CLSTN2: variants seen among roughly 807,000 people sequenced by gnomAD.
CLSTN2 encodes the protein calsyntenin-2.
A neutral mutation model predicts 101.2 loss-of-function variants in CLSTN2; 48 were observed. The observed-to-expected ratio is 0.47, with a 90% confidence interval of 0.38 to 0.60. The LOEUF (loss-of-function observed/expected upper bound fraction) is 0.60. Ranked by LOEUF, CLSTN2 falls within the 20% of genes least tolerant of loss-of-function variation. The probability of loss-of-function intolerance (pLI) is 0.00; values close to 1 mark genes in which losing one functional copy is unlikely to be tolerated. For missense variants in CLSTN2, 1,160 were observed against 1,238.2 expected, an observed-to-expected ratio of 0.94 and a Z score of 0.95; for synonymous variants, 481 against 463.6, an observed-to-expected ratio of 1.04 and a Z score of -0.48.
At chr3:140,240,327 T>C (rs900944716) in intron 2 of CLSTN2, among the ~76,000 whole-genome samples, 66 of 144,802 alleles carry the variant, frequency 4.6e-4, no homozygotes, top group African/African-American at 1.6e-3. Flanking sequence ...CACATACACA[T>C]ACACATACAT....
intron 4 of CLSTN2, among the ~76,000 whole-genome samples, chr3:140,415,486 C>CAAAAAAAAAAAAAAAAAAAAAAAAA (rs751616049): frequency 1.8e-5 from 1 of 56,868 alleles, no homozygotes; most frequent in African/African-American, 7.7e-5. Flanking sequence ...CACAAAATAG[C>CAAAAAAAAAAAAAAAAAAAAAAAAA]AAAAAAAAAA....
intron 1 of CLSTN2, among the ~76,000 whole-genome samples, chr3:140,109,700 T>C (rs988690492): frequency 6.6e-6 from 1 of 152,116 alleles, no homozygotes; most frequent in African/African-American, 2.4e-5. Context: ...CCAGGGTTGG[T>C]AGAGAGGGCA....
intron 1 of CLSTN2, among the ~76,000 whole-genome samples, chr3:140,003,988 A>G (rs1378892513): frequency 6.6e-6 from 1 of 152,016 alleles, no homozygotes; most frequent in East Asian, 1.9e-4. Flanking sequence ...ATTTTTTTGT[A>G]TGCTCGTCAT....
chr3:140,101,471 C>A (rs2008965260), intron 1 of CLSTN2, among the ~76,000 whole-genome samples: 1 of 152,234 alleles, frequency 6.6e-6, no homozygotes, highest in Admixed American at 6.5e-5. Flanking sequence ...TTGGGCAACT[C>A]TTATATGCCT....
chr3:139,939,185 A>G (rs1021189664), intron 1 of CLSTN2, among the ~76,000 whole-genome samples: 2 of 152,196 alleles, frequency 1.3e-5, no homozygotes, highest in Non-Finnish European at 2.9e-5. Flanking sequence ...TTATAACAAC[A>G]GTATGGTGTA....
At chr3:140,269,740 C>T (rs369724644) in intron 2 of CLSTN2, among the ~76,000 whole-genome samples, 1 of 152,316 alleles carries the variant, frequency 6.6e-6, no homozygotes, top group Admixed American at 6.5e-5. Flanking sequence ...TCCTAAACTG[C>T]ACCTACAGGG....
chr3:139,995,585 G>C (rs1249534323), intron 1 of CLSTN2, among the ~76,000 whole-genome samples: 15 of 152,300 alleles, frequency 9.8e-5, no homozygotes, highest in African/African-American at 3.4e-4. Context: ...CTTACCCACT[G>C]TTCCATACGT....
intron 2 of CLSTN2, among the ~76,000 whole-genome samples, chr3:140,215,678 G>A (rs2010911170): frequency 6.6e-6 from 1 of 152,142 alleles, no homozygotes; most frequent in South Asian, 2.1e-4. Context: ...AGTCAGTAGA[G>A]CATAGCAATA....
At chr3:140,064,302 C>A (rs1327421281) in intron 1 of CLSTN2, among the ~76,000 whole-genome samples, 1 of 152,208 alleles carries the variant, frequency 6.6e-6, no homozygotes, top group Non-Finnish European at 1.5e-5. Flanking sequence ...ATCTCCTTTT[C>A]CTGTTTCTGG....
intron 1 of CLSTN2, among the ~76,000 whole-genome samples, chr3:140,071,467 G>A (rs189478693): frequency 2.4e-4 from 36 of 152,262 alleles, no homozygotes; most frequent in Non-Finnish European, 3.8e-4. Flanking sequence ...ACTAACAAAT[G>A]AGAAAATCAA....
At position 140,427,217 on chromosome 3, in the gene CLSTN2, ATATATATGTGTG is replaced by A. The variant is rs1286623592; in HGVS notation, c.787+5951_787+5962del. 6.7e-3 allele frequency among the ~76,000 whole-genome samples: 567 copies of A among 84,664 alleles called. 54 individuals carry two copies. The highest frequency in any genetic ancestry group is 0.043 in the African/African-American group (527 of 12,396). The allele number at this position is 84,664 out of a possible 152,430, so 55.5% of individuals were successfully genotyped here. ...TATATATATATATGTGTATATATAT[ATATATATGTGTG>A]TATATATATATATATACATATATAT... On this transcript the variant is annotated intron_variant, in intron 5 of 16. Coordinates refer to ENST00000458420, the MANE Select transcript of CLSTN2 (RefSeq NM_022131.3).
At chr3:140,239,904 CACAA>C (rs76406372) in intron 2 of CLSTN2, among the ~76,000 whole-genome samples, 1,883 of 128,752 alleles carry the variant, frequency 0.015, 12 homozygotes, top group Non-Finnish European at 0.019. Flanking sequence ...TATACATACA[CACAA>C]ACACTCATAT....
In CLSTN2 at chr3:140,130,463, G is replaced by A. The variant is rs1212936174; in HGVS notation, c.110-45488G>A. On this transcript the variant is annotated intron_variant, in intron 1 of 16. Transcript: ENST00000458420. ...TTTTGCCTGAGGAAATGGACATCATGCCTTTAGGGAAGTTTGACTGGGGGA... is the reference window on the plus strand; with the variant it reads ...TTTTGCCTGAGGAAATGGACATCATACCTTTAGGGAAGTTTGACTGGGGGA... Among the ~76,000 whole-genome samples the A allele has an allele frequency of 2.6e-5, 4 of 152,288 alleles. No individual in the cohort carries two copies. In the East Asian group the frequency reaches 7.7e-4, roughly 29 times the overall value.
chr3:140,186,477 G>T (rs2010487220), intron 2 of CLSTN2, among the ~76,000 whole-genome samples: 1 of 152,190 alleles, frequency 6.6e-6, no homozygotes, highest in African/African-American at 2.4e-5. Context: ...AGTGCAACCA[G>T]ATATTTATAG....
chr3:140,183,186 G>T (rs558706273), intron 2 of CLSTN2, among the ~76,000 whole-genome samples: 30 of 152,300 alleles, frequency 2.0e-4, no homozygotes. Flanking sequence ...ACTATTGATA[G>T]ATCCTGCTTT....
rs932592606 is a variant in CLSTN2, at chr3:140,448,497, C to T, written c.788-22C>T. The T allele has an allele frequency of 3.1e-6, 5 of 1,591,764 alleles. No homozygotes were observed. In the African/African-American group the frequency reaches 5.4e-5, roughly 17 times the overall value. ...AACTGACTGCACCTGATTCACTTTT[C>T]ATCCTTTCCTTGTTTGTTTAGACTG... is the stretch of plus-strand genomic sequence containing the variant. On this transcript the variant is annotated intron_variant, in intron 5 of 16. Transcript: ENST00000458420.
chr3:140,032,081 C>G (rs1368398042), intron 1 of CLSTN2, among the ~76,000 whole-genome samples: 1 of 152,126 alleles, frequency 6.6e-6, no homozygotes, highest in African/African-American at 2.4e-5. Context: ...GACCTCCTTC[C>G]CCCACAGACC....
intron 1 of CLSTN2, among the ~76,000 whole-genome samples, chr3:139,999,968 A>C (rs2006790509): frequency 6.8e-6 from 1 of 148,000 alleles, no homozygotes; most frequent in Non-Finnish European, 1.5e-5. Context: ...AAAAAAAAAA[A>C]ATTACATGTA....
intron 8 of CLSTN2, among the ~76,000 whole-genome samples, chr3:140,511,653 A>C (rs1489218584): frequency 2.0e-5 from 3 of 147,274 alleles, no homozygotes; most frequent in Admixed American, 1.4e-4. Context: ...GGGTTCACGC[A>C]ATTCTCCTGC....
Sources: gnomAD v4.1 joint callset for allele counts (sites outside exome capture counted in the v4.1 genomes callset) on GRCh38, gnomAD v4.1.1 for gene constraint, MANE v1.5 for transcripts, NCBI Gene and HGNC (gene_info 2026-07-23, HGNC 2026-07-21) for gene names.